Variants in AGR2 observed in about 807,000 individuals in gnomAD.
AGR2 encodes the protein anterior gradient 2, protein disulphide isomerase family member, also known as anterior gradient protein 2 homolog.
In AGR2, 27 loss-of-function variants were observed where a neutral mutation model predicts 25.9. The observed-to-expected ratio is 1.04, with a 90% CI of 0.77 to 1.44. The LOEUF (loss-of-function observed/expected upper bound fraction) is 1.44. Among genes scored for constraint, AGR2 ranks in the 40% most tolerant of loss-of-function variants. The pLI, the probability that AGR2 is intolerant of heterozygous loss-of-function variation, is 0.00. For missense variants in AGR2, 182 were observed against 200.9 expected (o/e 0.91, Z 0.57); for synonymous variants, 78 against 72.0 (o/e 1.08, Z -0.42).
intron 2 of AGR2, 21 bp from the exon 3 acceptor site, chr7:16,801,404 A>G (rs1022632963): frequency 9.3e-6 from 15 of 1,606,848 alleles, no homozygotes; most frequent in Non-Finnish European, 1.2e-5. Context: ...ATGAATCAGT[A>G]TATTTGAAGC....
intron 1 of AGR2, among the ~76,000 whole-genome samples, chr7:16,802,655 G>C (rs1785168770): frequency 6.6e-6 from 1 of 152,014 alleles, no homozygotes; most frequent in South Asian, 2.1e-4. Flanking sequence ...TCTGTAAGTT[G>C]GGACTGTTTG....
intron 1 of AGR2, among the ~76,000 whole-genome samples, chr7:16,802,814 C>A (rs1037150788): frequency 6.6e-6 from 1 of 151,888 alleles, no homozygotes; most frequent in African/African-American, 2.4e-5. Flanking sequence ...GATATACATA[C>A]TCTAGTAGCT....
At chr7:16,799,223 G>C (rs895104736) in intron 5 of AGR2, among the ~76,000 whole-genome samples, 11 of 152,170 alleles carry the variant, frequency 7.2e-5, no homozygotes, top group Admixed American at 7.2e-4. Flanking sequence ...ATTAGGTAGA[G>C]TCATTTTTTT....
intron 2 of AGR2, 91 bp from the exon 3 acceptor site, chr7:16,801,474 C>T: frequency 1.5e-6 from 2 of 1,343,026 alleles, no homozygotes; most frequent in Non-Finnish European, 2.1e-6. Flanking sequence ...GATAATAGAC[C>T]CTATACTAAA....
intron 7 of AGR2, 118 bp from the exon 8 acceptor site, chr7:16,793,075 A>C: frequency 1.1e-6 from 1 of 931,710 alleles, no homozygotes; most frequent in South Asian, 1.5e-5. Context: ...TTTTGAGACA[A>C]GGTCTCACTC....
intron 5 of AGR2, among the ~76,000 whole-genome samples, chr7:16,799,257 A>G (rs1785100636): frequency 6.6e-6 from 1 of 152,180 alleles, no homozygotes; most frequent in African/African-American, 2.4e-5. Flanking sequence ...TAGAAGGAAA[A>G]TGAAACATTT....
intron 6 of AGR2, among the ~76,000 whole-genome samples, 169 bp from the exon 7 acceptor site, chr7:16,795,188 G>A (rs1241407266): frequency 6.6e-6 from 1 of 152,202 alleles, no homozygotes; most frequent in African/African-American, 2.4e-5. Flanking sequence ...GCCCCTGGCA[G>A]TTAGTAGCAA....
intron 6 of AGR2, 91 bp from the exon 7 acceptor site, chr7:16,795,110 C>A: frequency 1.5e-6 from 2 of 1,367,678 alleles, no homozygotes; most frequent in Non-Finnish European, 2.1e-6. Context: ...TTCATGTATT[C>A]ATGTCCTGTG....
intron 7 of AGR2, 31 bp downstream of exon 7, chr7:16,794,905 G>C (rs1393451709): frequency 6.2e-7 from 1 of 1,613,780 alleles, no homozygotes; most frequent in East Asian, 2.2e-5. Flanking sequence ...TTCAACTCTT[G>C]GGCAACATCC....
At chr7:16,794,342 C>T (rs1325192680) in intron 7 of AGR2, among the ~76,000 whole-genome samples, 1 of 152,140 alleles carries the variant, frequency 6.6e-6, no homozygotes, top group Non-Finnish European at 1.5e-5. Flanking sequence ...AGGATAAAAC[C>T]CACTTTTCTT....
chr7:16,795,087 C>G (rs745436019), intron 6 of AGR2, 68 bp from the exon 7 acceptor site: 3 of 1,547,834 alleles, frequency 1.9e-6, no homozygotes, highest in Non-Finnish European at 2.7e-6. Context: ...TTTATTGCCC[C>G]GGGGAGCTGA....
chr7:16,802,000 A>G (rs1296683401), intron 1 of AGR2, among the ~76,000 whole-genome samples, 197 bp from the exon 2 acceptor site: 1 of 151,068 alleles, frequency 6.6e-6, no homozygotes, highest in African/African-American at 2.4e-5. Context: ...CAATTGAGTA[A>G]TGTTCCAATA....
rs537161980 is a variant in AGR2, at chr7:16,791,921, G to T, written c.*987C>A. On this transcript the variant is annotated 3_prime_UTR_variant, in exon 8 of 8. Coordinates refer to ENST00000419304, the MANE Select transcript of AGR2 (RefSeq NM_006408.4). The stretch of plus-strand genomic sequence containing the variant: ...GGGGCCAAAGAAATCAGGAGGGGCT[G>T]GGCAGTAGAGGAATTCCATATATTA... The T allele has an allele frequency of 9.2e-5, 14 of 152,358 alleles. No individual in the cohort carries two copies. The highest frequency in any genetic ancestry group is 2.9e-4 in the African/African-American group (12 of 41,554). 9.4% of individuals were successfully genotyped at this position (152,358 alleles called of 1,614,324 possible).
At chr7:16,794,734 C>A in intron 7 of AGR2, 1 of 1,326,272 alleles carries the variant, frequency 7.5e-7, no homozygotes, top group Non-Finnish European at 1.0e-6. Flanking sequence ...AATTCATCTT[C>A]AATTGAGATT....
At chr7:16,799,986 C>CT (rs1583808615) in intron 4 of AGR2, among the ~76,000 whole-genome samples, 169 bp from the exon 5 acceptor site, 1 of 152,204 alleles carries the variant, frequency 6.6e-6, no homozygotes, top group East Asian at 1.9e-4. Context: ...ATGGCATTGA[C>CT]TACCTCTGCT....
rs1188528661 is a variant in AGR2 at position 16,792,870 on chromosome 7, AG to A, written c.*37del. The A allele has an allele frequency of 4.4e-6, 7 of 1,580,274 alleles. No individual in the cohort carries two copies. In the African/African-American group the frequency reaches 9.4e-5, roughly 21 times the overall value. Reference sequence around the variant, plus strand: ...ACACTTCTTCTGGTTTCAAGTCTCAAGGCCTGACAGACAGAAGGGCTTGGAG... The same window carrying A: ...ACACTTCTTCTGGTTTCAAGTCTCAAGCCTGACAGACAGAAGGGCTTGGAG... On this transcript the variant is annotated 3_prime_UTR_variant, in exon 8 of 8. Transcript: ENST00000419304.
At chr7:16,803,300 G>A (rs1785180774) in intron 1 of AGR2, 1 of 152,106 alleles carries the variant, frequency 6.6e-6, no homozygotes, top group Non-Finnish European at 1.5e-5. Context: ...GTTGTCCACG[G>A]GGCCGTAACA....
At chr7:16,799,540 A>G (rs961614464) in intron 5 of AGR2, 4 of 508,750 alleles carry the variant, frequency 7.9e-6, no homozygotes, top group Non-Finnish European at 1.4e-5. Flanking sequence ...ACAAACTAAG[A>G]TGATTAATTA....
At chr7:16,801,038 AT>A in intron 4 of AGR2, 112 bp downstream of exon 4, 1 of 728,734 alleles carries the variant, frequency 1.4e-6, no homozygotes, top group East Asian at 2.7e-5. Flanking sequence ...ACTATATAAA[AT>A]ATTCTTTCTT....
Sources: allele counts gnomAD v4.1 joint callset (sites outside exome capture counted in the v4.1 genomes callset), GRCh38; gene constraint gnomAD v4.1.1; transcripts MANE v1.5; gene names NCBI Gene and HGNC (gene_info 2026-07-23, HGNC 2026-07-21).